Variants in ITPKB observed in about 807,000 individuals in gnomAD.
ITPKB encodes inositol-trisphosphate 3-kinase B, also known as IP3 3-kinase B.
Under a neutral mutation model 69.4 loss-of-function variants are expected in ITPKB, and 13 were observed. The ratio of observed to expected loss-of-function variants is 0.19; its 90% CI spans 0.12 to 0.30. ITPKB has a LOEUF of 0.30. ITPKB is among the 10% of genes least tolerant of loss of function. The pLI is 1.00. For synonymous variants in ITPKB, 584 were observed against 513.7 expected (o/e 1.14, Z -1.85); for missense variants, 1,240 against 1,250.5 (o/e 0.99, Z 0.13).
intron 2 of ITPKB, among the ~76,000 whole-genome samples, chr1:226,659,985 A>C (rs1001106726): frequency 2.0e-5 from 3 of 152,184 alleles, no homozygotes; most frequent in Non-Finnish European, 4.4e-5. Context: ...ACACTGCTTT[A>C]TGTTCACCTG....
chr1:226,708,470 A>C (rs1434335749), intron 2 of ITPKB, among the ~76,000 whole-genome samples: 1 of 152,180 alleles, frequency 6.6e-6, no homozygotes, highest in Non-Finnish European at 1.5e-5. Flanking sequence ...GGCACGAGTA[A>C]CTCGAGACAT....
At chr1:226,689,181 G>A (rs1656286446) in intron 2 of ITPKB, among the ~76,000 whole-genome samples, 1 of 152,152 alleles carries the variant, frequency 6.6e-6, no homozygotes, top group South Asian at 2.1e-4. Context: ...AGACAAAGGG[G>A]CAATGACGAA....
At chr1:226,705,962 A>G (rs1328769190) in intron 2 of ITPKB, among the ~76,000 whole-genome samples, 1 of 152,196 alleles carries the variant, frequency 6.6e-6, no homozygotes, top group Non-Finnish European at 1.5e-5. Context: ...CCAAGCACCC[A>G]TATGTTCACA....
At chr1:226,733,595 C>T (rs1309682246) in intron 2 of ITPKB, among the ~76,000 whole-genome samples, 9 of 149,576 alleles carry the variant, frequency 6.0e-5, no homozygotes, top group Admixed American at 6.0e-4. Flanking sequence ...CACACCCACC[C>T]CACTTCCCAC....
chr1:226,693,077 T>G (rs1656396225), intron 2 of ITPKB, among the ~76,000 whole-genome samples: 1 of 152,248 alleles, frequency 6.6e-6, no homozygotes, highest in Non-Finnish European at 1.5e-5. Flanking sequence ...AGCCGTGGCT[T>G]GGGTGCTCTG....
At chr1:226,670,029 C>G (rs1057116109) in intron 2 of ITPKB, among the ~76,000 whole-genome samples, 1 of 151,544 alleles carries the variant, frequency 6.6e-6, no homozygotes, top group Non-Finnish European at 1.5e-5. Flanking sequence ...TGCACGCCAC[C>G]ATGCCTGGCT....
intron 2 of ITPKB, among the ~76,000 whole-genome samples, chr1:226,716,944 C>T (rs1571872312): frequency 6.6e-6 from 1 of 152,180 alleles, no homozygotes; most frequent in African/African-American, 2.4e-5. Context: ...TACAAATTCA[C>T]CAAAGGAGAT....
chr1:226,698,502 T>C (rs1656550828), intron 2 of ITPKB, among the ~76,000 whole-genome samples: 1 of 152,206 alleles, frequency 6.6e-6, no homozygotes, highest in Non-Finnish European at 1.5e-5. Context: ...CTAAACCAAC[T>C]AAACCATCTC....
chr1:226,660,359 A>G (rs3768379), intron 2 of ITPKB, among the ~76,000 whole-genome samples: 34,114 of 152,104 alleles, frequency 0.22, 3,995 homozygotes, highest in Middle Eastern at 0.34. Flanking sequence ...CACACTCTAT[A>G]GGAGCTGGCA....
rs200330899 is a variant in ITPKB at position 226,641,899 on chromosome 1, T to C, written c.2451+22A>G. 2.5e-6 allele frequency: 4 copies of C among 1,605,132 alleles called. No individual in the cohort carries two copies. The highest frequency in any genetic ancestry group is 3.3e-5 in the Admixed American group (2 of 59,792). On this transcript the variant is annotated intron_variant, in intron 5 of 7. Coordinates refer to ENST00000429204, the MANE Select transcript of ITPKB (RefSeq NM_002221.4). This position sits in a 1 kb window ranked among gnomAD's most constrained non-coding sequence, Gnocchi z 4.6. The stretch of plus-strand genomic sequence containing the variant: ...GGTGGGCACGGGTGGGGCCCGAGGC[T>C]GCCCTCACTCGCCGGCCTCACCTTG...
At position 226,634,713 on chromosome 1, in the gene ITPKB, G is replaced by A. The variant is rs760752224; in HGVS notation, c.2799C>T (p.Val933=). 2.3e-5 allele frequency: 22 copies of A among 970,500 alleles called. No individual in the cohort carries two copies. The highest frequency in any genetic ancestry group is 2.7e-5 in the Non-Finnish European group (16 of 592,140). 60.1% of individuals were successfully genotyped at this position (970,500 alleles called of 1,614,324 possible). The change falls in exon 8 of 8, where the codon GTC becomes GTT. Residue 933 remains valine, a synonymous_variant. Coordinates refer to ENST00000429204, the MANE Select transcript of ITPKB (RefSeq NM_002221.4). The surrounding 1 kb of genome is among the most constrained non-coding windows in gnomAD (Gnocchi z 6.3). ...CCTGGGACATCTCGGTCAGGATGTC[G>A]ACGAGGTTATTGAGCCCCGAGAGGT... ...DGYLSGLNNL[V]DILTEMSQDA...
intron 2 of ITPKB, among the ~76,000 whole-genome samples, chr1:226,649,164 C>T (rs1164600991): frequency 6.6e-6 from 1 of 152,240 alleles, no homozygotes; most frequent in Admixed American, 6.5e-5. Context: ...ACAGAACCTG[C>T]ACCGATGGCT....
At chr1:226,646,835 C>T (rs1366436684) in intron 4 of ITPKB, among the ~76,000 whole-genome samples, 1 of 152,194 alleles carries the variant, frequency 6.6e-6, no homozygotes, top group Non-Finnish European at 1.5e-5. Flanking sequence ...TCCCCGCACC[C>T]CCAGCGATCC....
intron 2 of ITPKB, among the ~76,000 whole-genome samples, chr1:226,702,329 C>T (rs1656688478): frequency 6.8e-6 from 1 of 148,100 alleles, no homozygotes; most frequent in East Asian, 2.0e-4. Flanking sequence ...ACCAGGGGGG[C>T]GGAAGTTGCA....
intron 2 of ITPKB, among the ~76,000 whole-genome samples, chr1:226,714,077 A>G (rs1657037775): frequency 6.6e-6 from 1 of 152,180 alleles, no homozygotes; most frequent in South Asian, 2.1e-4. Context: ...TTCAGGTATG[A>G]GCCTCTGACA....
intron 2 of ITPKB, among the ~76,000 whole-genome samples, chr1:226,716,331 C>CTT (rs959502874): frequency 7.9e-5 from 12 of 152,200 alleles, no homozygotes; most frequent in African/African-American, 2.9e-4. Flanking sequence ...TTCCCATACT[C>CTT]TAAAAAGAGA....
At chr1:226,722,031 T>C (rs1558096317) in intron 2 of ITPKB, among the ~76,000 whole-genome samples, 1 of 152,028 alleles carries the variant, frequency 6.6e-6, no homozygotes, top group Non-Finnish European at 1.5e-5. Context: ...CAGGCTGGAA[T>C]CGAACTCCTG....
intron 2 of ITPKB, among the ~76,000 whole-genome samples, chr1:226,657,836 AC>A (rs1314823287): frequency 6.6e-6 from 1 of 152,172 alleles, no homozygotes; most frequent in Non-Finnish European, 1.5e-5. Context: ...TCTCTCTCGG[AC>A]CTGGGGCTAT....
chr1:226,716,852 C>T (rs1479706000), intron 2 of ITPKB, among the ~76,000 whole-genome samples: 2 of 152,212 alleles, frequency 1.3e-5, no homozygotes, highest in Non-Finnish European at 2.9e-5. Flanking sequence ...TCAGGGAATA[C>T]ATGGGAAAAT....
Sources: gnomAD v4.1 joint callset for allele counts (sites outside exome capture counted in the v4.1 genomes callset) on GRCh38, gnomAD v4.1.1 for gene constraint, Gnocchi (gnomAD v3.1) non-coding constraint, MANE v1.5 for transcripts, NCBI Gene and HGNC (gene_info 2026-07-23, HGNC 2026-07-21) for gene names.